MCC: variants seen among roughly 807,000 people sequenced by gnomAD.
MCC encodes colorectal mutant cancer protein.
Under a neutral mutation model 116.2 loss-of-function variants are expected in MCC, and 90 were observed. The ratio of observed to expected loss-of-function variants is 0.77; its 90% confidence interval spans 0.65 to 0.92. The LOEUF (loss-of-function observed/expected upper bound fraction) is 0.92, where lower values mean the gene tolerates loss of function less well. MCC is among the 40% of genes least tolerant of loss of function. The probability of loss-of-function intolerance (pLI) is 0.00; values close to 1 mark genes in which losing one functional copy is unlikely to be tolerated. For synonymous variants in MCC, 578 were observed against 510.5 expected (o/e 1.13, Z -1.78); for missense variants, 1,516 against 1,312.2 (o/e 1.16, Z -2.40).
rs1750316311 is a variant in MCC at position 113,023,641 on chromosome 5, G to GTAAA, written c.*3657_*3660dup. 6.6e-6 allele frequency: 1 copy of GTAAA among 152,282 alleles called. No homozygotes were observed. The highest frequency in any genetic ancestry group is 6.5e-5 in the Admixed American group (1 of 15,306). 9.4% of individuals were successfully genotyped at this position (152,282 alleles called of 1,614,324 possible). ...GCTGAATCTAGAAGTAGGTAGAGCT[G>GTAAA]TAAATAGTTTAATAGAATGATTGGG... On this transcript the variant is annotated 3_prime_UTR_variant, in exon 19 of 19. Coordinates refer to ENST00000408903, the MANE Select transcript of MCC (RefSeq NM_001085377.2).
chr5:113,422,885 C>T (rs1471499784), intron 1 of MCC, among the ~76,000 whole-genome samples: 1 of 152,206 alleles, frequency 6.6e-6, no homozygotes, highest in African/African-American at 2.4e-5. Flanking sequence ...CCTCCTGAAA[C>T]CATCCTAAAA....
rs79378230 is a variant in MCC at position 113,465,021 on chromosome 5, T to C, written c.170+23224A>G. On this transcript the variant is annotated intron_variant, in intron 1 of 18. Coordinates refer to ENST00000408903, the MANE Select transcript of MCC (RefSeq NM_001085377.2). Reference sequence around the variant, plus strand: ...CTCTTTACATCAATTTAGAAACGTATCCTATTTCCAATTAAAATTCAATGG... The same window carrying C: ...CTCTTTACATCAATTTAGAAACGTACCCTATTTCCAATTAAAATTCAATGG... Among the ~76,000 whole-genome samples, 1,295 of 152,082 alleles carry C rather than the reference T, an allele frequency of 8.5e-3. 21 individuals carry two copies. Among genetic ancestry groups the C allele is most frequent in the African/African-American group, 0.03 (1,241 of 41,496 alleles).
At chr5:113,067,722 C>T (rs1054088266) in intron 13 of MCC, among the ~76,000 whole-genome samples, 3 of 152,250 alleles carry the variant, frequency 2.0e-5, no homozygotes, top group African/African-American at 7.2e-5. Flanking sequence ...AAGTGAAGGC[C>T]ATGTGGCGGC....
intron 3 of MCC, among the ~76,000 whole-genome samples, chr5:113,176,368 T>G (rs965142652): frequency 6.6e-6 from 1 of 152,222 alleles, no homozygotes; most frequent in African/African-American, 2.4e-5. Context: ...AACGTTTAAT[T>G]GAAAAGTTAT....
chr5:113,048,652 G>T (rs1389884192), intron 16 of MCC: 1 of 237,450 alleles, frequency 4.2e-6, no homozygotes, highest in Admixed American at 5.6e-5. Flanking sequence ...TATGTATAGG[G>T]GAAAACGTAG....
chr5:113,109,675 T>G (rs1209174449), intron 6 of MCC, among the ~76,000 whole-genome samples: 1 of 152,084 alleles, frequency 6.6e-6, no homozygotes, highest in East Asian at 1.9e-4. Flanking sequence ...TAAATGTATA[T>G]CAGTGAGTAA....
At chr5:113,027,838 A>G (rs4705750) in intron 18 of MCC, among the ~76,000 whole-genome samples, 5 of 152,010 alleles carry the variant, frequency 3.3e-5, no homozygotes, top group African/African-American at 9.7e-5. Flanking sequence ...GTTGCTTGCA[A>G]CATAGTCAAG....
In MCC at chr5:113,122,952, G is replaced by A. The variant is rs1199945957; in HGVS notation, c.885-126C>T. ...ACAGATTTCTCCCCCAGGCCACAGG[G>A]ACCAGGATTTCTCCCAGGCGAAATA... On this transcript the variant is annotated intron_variant, in intron 5 of 18. Coordinates refer to ENST00000408903, the MANE Select transcript of MCC (RefSeq NM_001085377.2). The A allele has an allele frequency of 4.2e-6, 4 of 962,690 alleles. No individual in the cohort carries two copies. The East Asian group carries it at 9.8e-5, about 24-fold the overall frequency. 59.6% of individuals were successfully genotyped at this position (962,690 alleles called of 1,614,324 possible).
At chr5:113,213,638 A>G (rs1169248964) in intron 3 of MCC, among the ~76,000 whole-genome samples, 2 of 152,210 alleles carry the variant, frequency 1.3e-5, no homozygotes, top group East Asian at 3.8e-4. Flanking sequence ...CGGGTAAGAG[A>G]GAAAAGGCAA....
At chr5:113,321,723 G>C (rs1243909318) in intron 3 of MCC, among the ~76,000 whole-genome samples, 1 of 152,232 alleles carries the variant, frequency 6.6e-6, no homozygotes. Context: ...AAGCACCAAA[G>C]AGCAATGTTT....
chr5:113,360,300 A>G (rs1163335670), intron 2 of MCC, among the ~76,000 whole-genome samples: 1 of 152,210 alleles, frequency 6.6e-6, no homozygotes, highest in Non-Finnish European at 1.5e-5. Context: ...AATGTGGTGG[A>G]TTACATTGAT....
chr5:113,146,563 A>G (rs1759534335), intron 4 of MCC, among the ~76,000 whole-genome samples: 1 of 152,044 alleles, frequency 6.6e-6, no homozygotes, highest in Non-Finnish European at 1.5e-5. Context: ...CAGAGAGGAT[A>G]AAAACAGAAA....
intron 4 of MCC, 42 bp from the exon 5 acceptor site, chr5:113,143,402 G>C: frequency 6.2e-7 from 1 of 1,600,924 alleles, no homozygotes; most frequent in Non-Finnish European, 8.5e-7. Context: ...ATGAATTCAT[G>C]CACCTACAGG....
chr5:113,393,050 A>G (rs1195266072), intron 1 of MCC, among the ~76,000 whole-genome samples: 2 of 151,998 alleles, frequency 1.3e-5, no homozygotes, highest in Admixed American at 6.6e-5. Flanking sequence ...TATACAAACA[A>G]TGCTATAAAC....
chr5:113,150,178 G>T (rs1226139684), intron 4 of MCC, among the ~76,000 whole-genome samples: 2 of 152,128 alleles, frequency 1.3e-5, no homozygotes, highest in Non-Finnish European at 2.9e-5. Flanking sequence ...CAGGTAAAAG[G>T]AACAGAGCCA....
intron 3 of MCC, among the ~76,000 whole-genome samples, chr5:113,288,525 T>A (rs1330599339): frequency 6.6e-6 from 1 of 152,182 alleles, no homozygotes; most frequent in East Asian, 1.9e-4. Flanking sequence ...CTCTGGAAAG[T>A]CAATGCTTTG....
intron 3 of MCC, among the ~76,000 whole-genome samples, chr5:113,182,858 TA>T (rs1291570664): frequency 6.6e-6 from 1 of 152,154 alleles, no homozygotes; most frequent in Non-Finnish European, 1.5e-5. Flanking sequence ...AAACACCCAA[TA>T]GCCACGCTGT....
intron 17 of MCC, among the ~76,000 whole-genome samples, chr5:113,042,715 T>C (rs1192718759): frequency 6.6e-6 from 1 of 151,850 alleles, no homozygotes; most frequent in Non-Finnish European, 1.5e-5. Context: ...CTTGAGAACT[T>C]GAAATGTCTG....
intron 3 of MCC, among the ~76,000 whole-genome samples, chr5:113,246,048 A>C (rs1404457367): frequency 6.6e-6 from 1 of 152,198 alleles, no homozygotes; most frequent in Admixed American, 6.5e-5. Context: ...GAAGATGGGG[A>C]ACAAAAAAGA....
Sources: gnomAD v4.1 joint callset for allele counts (sites outside exome capture counted in the v4.1 genomes callset) on GRCh38, gnomAD v4.1.1 for gene constraint, MANE v1.5 for transcripts, NCBI Gene and HGNC (gene_info 2026-07-23, HGNC 2026-07-21) for gene names.